The following CDC6 variants were observed in gnomAD, a reference collection of about 807,000 sequenced individuals.
CDC6 encodes the protein DNA replication factor CDC6.
Under a neutral mutation model 60.2 loss-of-function variants are expected in CDC6, and 46 were observed. The observed-to-expected ratio is 0.76, with a 90% CI of 0.60 to 0.98. CDC6 has a LOEUF of 0.98. Ranked by LOEUF, CDC6 falls within the 50% of genes least tolerant of loss-of-function variation. The pLI, the probability that CDC6 is intolerant of heterozygous loss-of-function variation, is 0.00. For synonymous variants in CDC6, 210 were observed against 233.2 expected (o/e 0.90, Z 0.90); for missense variants, 596 against 652.9 (o/e 0.91, Z 0.95).
At position 40,296,701 on chromosome 17, in the gene CDC6, A is replaced by C; in HGVS notation, c.1185-2A>C. On this transcript the variant is annotated splice_acceptor_variant, in intron 8 of 11. Coordinates refer to ENST00000209728, the MANE Select transcript of CDC6 (RefSeq NM_001254.4). LOFTEE classifies it high-confidence loss of function. ...AATTAATTTTAGAAATTTTTTTTAT[A>C]GGAGAGCTATTGAAATTGTAGAGTC... is the stretch of plus-strand genomic sequence containing the variant. 1 of 1,579,622 alleles carries C rather than the reference A, an allele frequency of 6.3e-7. No individual in the cohort carries two copies. The highest frequency in any genetic ancestry group is 1.1e-5 in the South Asian group (1 of 90,254).
rs376036760 is a variant in CDC6, at chr17:40,301,908, C to T, written c.1594-4C>T. On this transcript the variant is annotated splice_polypyrimidine_tract_variant and splice_region_variant and intron_variant, in intron 11 of 11. Coordinates refer to ENST00000209728, the MANE Select transcript of CDC6 (RefSeq NM_001254.4). ...TGTGAAAAATCCTTTTCTCTTCTTT[C>T]CAGGTGTTTTTCAAGATTGAAGAGA... 3 of 1,553,244 alleles carry T rather than the reference C, an allele frequency of 1.9e-6. No individual in the cohort carries two copies. Among genetic ancestry groups the T allele is most frequent in the Non-Finnish European group, 2.7e-6 (3 of 1,124,946 alleles).
In CDC6 at chr17:40,287,899, C is replaced by G. The variant is rs1379538970; in HGVS notation, c.-205C>G. 6.5e-6 allele frequency: 1 copy of G among 153,060 alleles called. No homozygotes were observed. The highest frequency in any genetic ancestry group is 2.1e-4 in the South Asian group (1 of 4,864). 9.5% of individuals were successfully genotyped at this position (153,060 alleles called of 1,614,324 possible). Reference sequence around the variant, plus strand: ...TGGCCATTCGGATTTGGCGCGAGCGCGGCTGGAGTTTGCTGCTGCCGCTGT... The same window carrying G: ...TGGCCATTCGGATTTGGCGCGAGCGGGGCTGGAGTTTGCTGCTGCCGCTGT... On this transcript the variant is annotated 5_prime_UTR_variant, in exon 1 of 12. Transcript: ENST00000209728.
chr17:40,302,872 G>A lies in CDC6; in HGVS notation c.*871G>A, dbSNP rs1167202101. 1 of 152,200 alleles carries A rather than the reference G, an allele frequency of 6.6e-6. No homozygotes were observed. Among genetic ancestry groups the A allele is most frequent in the African/African-American group, 2.4e-5 (1 of 41,442 alleles). The allele number at this position is 152,200 out of a possible 1,614,324, so 9.4% of individuals were successfully genotyped here. A position where few individuals can be genotyped will look rare whatever the true frequency, so the allele number is the denominator to read the frequency against. On this transcript the variant is annotated 3_prime_UTR_variant, in exon 12 of 12. Coordinates refer to ENST00000209728, the MANE Select transcript of CDC6 (RefSeq NM_001254.4). ...ACTCCCAAGGGCGTTGGGGTCATAA[G>A]GAGACTATAACTCTACAGATTGTGA... is the stretch of plus-strand genomic sequence containing the variant.
intron 9 of CDC6, among the ~76,000 whole-genome samples, chr17:40,299,856 A>G (rs1371131354): frequency 6.6e-6 from 1 of 152,202 alleles, no homozygotes; most frequent in Non-Finnish European, 1.5e-5. Context: ...CCAAACCTCA[A>G]AGGTCATTTG....
intron 5 of CDC6, 39 bp from the exon 6 acceptor site, chr17:40,293,911 G>T (rs770725435): frequency 1.3e-6 from 2 of 1,516,064 alleles, no homozygotes; most frequent in Non-Finnish European, 1.8e-6. Context: ...AGAGGGTTAA[G>T]AAGGTGAATA....
intron 9 of CDC6, among the ~76,000 whole-genome samples, chr17:40,299,347 C>T (rs1163900335): frequency 6.6e-6 from 1 of 151,236 alleles, no homozygotes; most frequent in Non-Finnish European, 1.5e-5. Context: ...ATGGGGGAAA[C>T]CCATCGCCTT....
Position 40,301,465 on chromosome 17 carries a change from C to T in CDC6, c.1453-3C>T, listed in dbSNP as rs2032939193. On this transcript the variant is annotated splice_region_variant and splice_polypyrimidine_tract_variant and intron_variant, in intron 10 of 11. Transcript: ENST00000209728. Reference sequence around the variant, plus strand: ...GCGTTTGTTCTCCCTTGTTTCCTACCAGTTATATGAAGCCTACAGTAAAGT... The same window carrying T: ...GCGTTTGTTCTCCCTTGTTTCCTACTAGTTATATGAAGCCTACAGTAAAGT... The T allele has an allele frequency of 1.2e-6, 2 of 1,613,622 alleles. No individual in the cohort carries two copies. Among genetic ancestry groups the T allele is most frequent in the African/African-American group, 2.7e-5 (2 of 74,908 alleles).
At chr17:40,301,688 C>G in intron 11 of CDC6, 80 bp downstream of exon 11, 1 of 1,457,036 alleles carries the variant, frequency 6.9e-7, no homozygotes, top group Non-Finnish European at 9.6e-7. Context: ...TATTGTTAAA[C>G]AAGATGACCA....
At position 40,294,385 on chromosome 17, in the gene CDC6, T is replaced by G; in HGVS notation, c.965T>G (p.Leu322Arg). 1 of 1,609,692 alleles carries G rather than the reference T, an allele frequency of 6.2e-7. No individual in the cohort carries two copies. Among genetic ancestry groups the G allele is most frequent in the Non-Finnish European group, 8.5e-7 (1 of 1,176,044 alleles). The change falls in exon 7 of 12, where the codon CTC (leucine) becomes CGC (arginine). Residue 322 changes from leucine to arginine, a missense_variant. Coordinates refer to ENST00000209728, the MANE Select transcript of CDC6 (RefSeq NM_001254.4). Reference sequence around the variant, plus strand: ...TTAGGTATTGCTAATACCCTGGATCTCACAGATAGAATTCTACCTAGGCTT... The same window carrying G: ...TTAGGTATTGCTAATACCCTGGATCGCACAGATAGAATTCTACCTAGGCTT... ...VLIGIANTLD[L>R]TDRILPRLQA...
intron 9 of CDC6, among the ~76,000 whole-genome samples, 192 bp downstream of exon 9, chr17:40,296,959 G>C (rs1041277780): frequency 3.3e-5 from 5 of 152,130 alleles, no homozygotes; most frequent in Non-Finnish European, 7.4e-5. Flanking sequence ...TGCATTACTG[G>C]AAATGAGTTC....
At chr17:40,301,286 A>C (rs750870578) in intron 10 of CDC6, among the ~76,000 whole-genome samples, 182 bp from the exon 11 acceptor site, 15 of 152,242 alleles carry the variant, frequency 9.9e-5, no homozygotes, top group Middle Eastern at 6.8e-3. Flanking sequence ...CCCCTTTCCT[A>C]CATTACTGTA....
At chr17:40,295,924 C>T (rs894824741) in intron 8 of CDC6, among the ~76,000 whole-genome samples, 1 of 152,036 alleles carries the variant, frequency 6.6e-6, no homozygotes, top group Non-Finnish European at 1.5e-5. Flanking sequence ...GCCCCTCCTG[C>T]TGGGGAAAGC....
In CDC6 at chr17:40,293,625, C is replaced by G. The variant is rs2143085219; in HGVS notation, c.830C>G (p.Pro277Arg). Residue 277 changes from proline to arginine, a missense_variant, in exon 5 of 12, where the codon CCC becomes CGC. Physicochemically the swap from Pro to Arg is moderately radical, Grantham distance 103. Coordinates refer to ENST00000209728, the MANE Select transcript of CDC6 (RefSeq NM_001254.4). Reference protein sequence around the residue: ...LEKHMTAEKGPMIVLVLDEMD... With the variant: ...LEKHMTAEKGRMIVLVLDEMD... ...AAACATATGACTGCAGAGAAGGGCC[C>G]CATGATGTAAGTATTGTTCTGCTTC... The G allele has an allele frequency of 6.2e-7, 1 of 1,611,072 alleles. No individual in the cohort carries two copies. The highest frequency in any genetic ancestry group is 1.1e-5 in the South Asian group (1 of 91,008).
chr17:40,301,476 A>G lies in CDC6; in HGVS notation c.1461A>G (p.Glu487=). ...CCCTTGTTTCCTACCAGTTATATGAAGCCTACAGTAAAGTCTGTCGCAAAC... is the reference window on the plus strand; with the variant it reads ...CCCTTGTTTCCTACCAGTTATATGAGGCCTACAGTAAAGTCTGTCGCAAAC... ...IKEVTLGKLY[E]AYSKVCRKQQ... Residue 487 remains glutamate (E), a synonymous_variant, in exon 11 of 12, where the codon GAA becomes GAG. Coordinates refer to ENST00000209728, the MANE Select transcript of CDC6 (RefSeq NM_001254.4). 2 of 1,614,060 alleles carry G rather than the reference A, an allele frequency of 1.2e-6. No homozygotes were observed. The highest frequency in any genetic ancestry group is 1.7e-6 in the Non-Finnish European group (2 of 1,179,896).
At chr17:40,294,884 C>G (rs1009051593) in intron 7 of CDC6, among the ~76,000 whole-genome samples, 2 of 152,024 alleles carry the variant, frequency 1.3e-5, no homozygotes, top group Non-Finnish European at 2.9e-5. Flanking sequence ...GCCACCACGC[C>G]CAGCTAATTG....
chr17:40,295,750 A>G (rs768497787), intron 8 of CDC6, among the ~76,000 whole-genome samples: 8 of 152,148 alleles, frequency 5.3e-5, no homozygotes, highest in African/African-American at 1.2e-4. Flanking sequence ...ACTCCAGTTT[A>G]CTTTTCCATT....
Position 40,296,772 on chromosome 17 carries a change from G to A in CDC6, c.1249+5G>A. On this transcript the variant is annotated splice_donor_5th_base_variant and intron_variant, in intron 9 of 11. Transcript: ENST00000209728. Reference sequence around the variant, plus strand: ...TTCTCAAACCACTGTCTGAATGTAAGTAGTTTATCTCCTTCCTGTCTTCCT... The same window carrying A: ...TTCTCAAACCACTGTCTGAATGTAAATAGTTTATCTCCTTCCTGTCTTCCT... The A allele has an allele frequency of 6.4e-7, 1 of 1,571,844 alleles. No homozygotes were observed. The highest frequency in any genetic ancestry group is 8.8e-7 in the Non-Finnish European group (1 of 1,141,506).
rs1347823450 is a variant in CDC6, at chr17:40,304,133, C to G, written c.*2132C>G. On this transcript the variant is annotated 3_prime_UTR_variant, in exon 12 of 12. Transcript: ENST00000209728. Reference sequence around the variant, plus strand: ...CCCCTGGTTTTGGAAATAGAGTTTTCTGTCTACTGATTTGTTAGTTTCCTT... The same window carrying G: ...CCCCTGGTTTTGGAAATAGAGTTTTGTGTCTACTGATTTGTTAGTTTCCTT... 2 of 152,282 alleles carry G rather than the reference C, an allele frequency of 1.3e-5. No individual in the cohort carries two copies. The highest frequency in any genetic ancestry group is 2.9e-5 in the Non-Finnish European group (2 of 68,068). 9.4% of individuals were successfully genotyped at this position (152,282 alleles called of 1,614,324 possible). A position where few individuals can be genotyped will look rare whatever the true frequency, so the allele number is the denominator to read the frequency against.
chr17:40,292,954 G>A (rs2032789962), intron 4 of CDC6, among the ~76,000 whole-genome samples: 1 of 151,116 alleles, frequency 6.6e-6, no homozygotes, highest in Admixed American at 6.6e-5. Context: ...TTAAGAAAGA[G>A]TAGGCCTGGT....
Sources: allele counts gnomAD v4.1 joint callset (sites outside exome capture counted in the v4.1 genomes callset), GRCh38; gene constraint gnomAD v4.1.1; transcripts MANE v1.5; gene names NCBI Gene and HGNC (gene_info 2026-07-23, HGNC 2026-07-21).